DTWD2: variants seen among roughly 807,000 people sequenced by gnomAD.
DTWD2 encodes the protein tRNA-uridine aminocarboxypropyltransferase 2.
In DTWD2, 39 loss-of-function variants were observed where a neutral mutation model predicts 31.8. That is an observed-to-expected ratio of 1.22 (90% confidence interval 0.95 to 1.60). The LOEUF (loss-of-function observed/expected upper bound fraction) is 1.60. Ranked by LOEUF, DTWD2 falls within the 40% of genes most tolerant of loss-of-function variation. The pLI is 0.00. For synonymous variants in DTWD2, 180 were observed against 142.8 expected (o/e 1.26, Z -1.86); for missense variants, 515 against 381.5 (o/e 1.35, Z -2.92).
intron 4 of DTWD2, among the ~76,000 whole-genome samples, chr5:118,891,349 T>C (rs188282278): frequency 3.9e-5 from 6 of 152,276 alleles, no homozygotes; most frequent in African/African-American, 9.6e-5. Flanking sequence ...CACATAATCA[T>C]ATCAGCTGCC....
intron 4 of DTWD2, among the ~76,000 whole-genome samples, chr5:118,908,617 A>G (rs1753387033): frequency 6.6e-6 from 1 of 151,876 alleles, no homozygotes; most frequent in Non-Finnish European, 1.5e-5. Flanking sequence ...TTCTAGGGAA[A>G]CCGACAAAAC....
At chr5:118,986,897 T>C (rs914718134) in intron 1 of DTWD2, among the ~76,000 whole-genome samples, 13 of 152,080 alleles carry the variant, frequency 8.5e-5, no homozygotes, top group Non-Finnish European at 1.9e-4. Context: ...TCACCAGAAA[T>C]AAGCAAAGTG....
chr5:118,981,370 T>C (rs1010325015), intron 1 of DTWD2, among the ~76,000 whole-genome samples: 1 of 152,162 alleles, frequency 6.6e-6, no homozygotes, highest in African/African-American at 2.4e-5. Context: ...GTTACCACAA[T>C]TTTTGAAAAA....
intron 4 of DTWD2, among the ~76,000 whole-genome samples, chr5:118,851,545 C>A (rs1030035576): frequency 2.6e-5 from 4 of 151,848 alleles, no homozygotes; most frequent in African/African-American, 9.7e-5. Flanking sequence ...GGAAACAGGG[C>A]AAGGACAAAA....
At chr5:118,929,898 G>C (rs1361758169) in intron 3 of DTWD2, among the ~76,000 whole-genome samples, 1 of 152,170 alleles carries the variant, frequency 6.6e-6, no homozygotes, top group Non-Finnish European at 1.5e-5. Context: ...TCTCTATGAA[G>C]GCTGCTATCG....
At chr5:118,872,567 T>A (rs1441050650) in intron 4 of DTWD2, among the ~76,000 whole-genome samples, 1 of 152,110 alleles carries the variant, frequency 6.6e-6, no homozygotes, top group Non-Finnish European at 1.5e-5. Flanking sequence ...GGTGGAACAA[T>A]CAAAACACAC....
At chr5:118,974,029 TGAG>T (rs1755065571) in intron 1 of DTWD2, 2 of 1,604,028 alleles carry the variant, frequency 1.2e-6, no homozygotes, top group South Asian at 1.1e-5. Context: ...GAGATGAAGA[TGAG>T]GAAGCTGAGA....
intron 5 of DTWD2, among the ~76,000 whole-genome samples, chr5:118,843,386 G>C (rs988145733): frequency 6.6e-6 from 1 of 151,756 alleles, no homozygotes; most frequent in East Asian, 1.9e-4. Context: ...AGGAAGGAGA[G>C]AGATAGAAAG....
intron 4 of DTWD2, among the ~76,000 whole-genome samples, chr5:118,883,843 T>C (rs1452426248): frequency 2.6e-5 from 4 of 152,178 alleles, no homozygotes; most frequent in African/African-American, 7.2e-5. Context: ...ATAAAACTTA[T>C]TTCAAAATCT....
chr5:118,843,841 T>A lies in DTWD2; in HGVS notation c.727-2754A>T, dbSNP rs1414644851. Among the ~76,000 whole-genome samples the A allele has an allele frequency of 2.0e-5, 3 of 152,242 alleles. No homozygotes were observed. In the East Asian group the frequency reaches 5.8e-4, roughly 29 times the overall value. Reference sequence around the variant, plus strand: ...GCTGTTCACAAATAGGCCAGCCTCCTTCCTGATACATGAGCAGATTGGCAT... The same window carrying A: ...GCTGTTCACAAATAGGCCAGCCTCCATCCTGATACATGAGCAGATTGGCAT... On this transcript the variant is annotated intron_variant, in intron 5 of 5. Coordinates refer to ENST00000510708, the MANE Select transcript of DTWD2 (RefSeq NM_173666.4).
At chr5:118,934,216 C>T (rs1331187953) in intron 3 of DTWD2, among the ~76,000 whole-genome samples, 4 of 126,160 alleles carry the variant, frequency 3.2e-5, no homozygotes, top group Non-Finnish European at 6.4e-5. Context: ...AGGTGGATCC[C>T]TTTAGCCTAG....
At chr5:118,843,271 G>C (rs901627019) in intron 5 of DTWD2, among the ~76,000 whole-genome samples, 4 of 147,496 alleles carry the variant, frequency 2.7e-5, no homozygotes, top group Admixed American at 6.9e-5. Flanking sequence ...AGAAATGAAA[G>C]AAAAGAAAGA....
At chr5:118,886,527 T>C (rs951488717) in intron 4 of DTWD2, among the ~76,000 whole-genome samples, 3 of 152,198 alleles carry the variant, frequency 2.0e-5, no homozygotes, top group Non-Finnish European at 4.4e-5. Context: ...CTGAGGAATA[T>C]GAGACTTCTA....
At chr5:118,931,823 AC>A (rs1753930717) in intron 3 of DTWD2, among the ~76,000 whole-genome samples, 1 of 152,178 alleles carries the variant, frequency 6.6e-6, no homozygotes, top group Non-Finnish European at 1.5e-5. Context: ...ACCAAAACAG[AC>A]CACATTCTGG....
intron 4 of DTWD2, among the ~76,000 whole-genome samples, chr5:118,889,174 T>C (rs1752927927): frequency 6.6e-6 from 1 of 152,150 alleles, no homozygotes; most frequent in Admixed American, 6.5e-5. Context: ...AAGGTTACAG[T>C]GAAAATTCCT....
chr5:118,892,534 GA>G (rs1383755671), intron 4 of DTWD2, among the ~76,000 whole-genome samples: 2 of 151,806 alleles, frequency 1.3e-5, no homozygotes, highest in Non-Finnish European at 2.9e-5. Context: ...ATGTATATTT[GA>G]CAAAAAACAT....
chr5:118,915,085 C>A (rs947121899), intron 4 of DTWD2, among the ~76,000 whole-genome samples: 2 of 152,046 alleles, frequency 1.3e-5, no homozygotes, highest in Non-Finnish European at 2.9e-5. Context: ...GGCGTGGCAG[C>A]ACACGCCTAT....
At chr5:118,945,161 A>G (rs928214735) in intron 1 of DTWD2, among the ~76,000 whole-genome samples, 1 of 152,240 alleles carries the variant, frequency 6.6e-6, no homozygotes, top group Non-Finnish European at 1.5e-5. Flanking sequence ...AGACGCCACC[A>G]AATTATATTT....
chr5:118,876,240 A>G (rs1209958315), intron 4 of DTWD2, among the ~76,000 whole-genome samples: 1 of 152,210 alleles, frequency 6.6e-6, no homozygotes, highest in African/African-American at 2.4e-5. Context: ...CTAAATGCCC[A>G]CATCAAAAAG....
Sources: gnomAD v4.1 joint callset for allele counts (sites outside exome capture counted in the v4.1 genomes callset) on GRCh38, gnomAD v4.1.1 for gene constraint, MANE v1.5 for transcripts, NCBI Gene and HGNC (gene_info 2026-07-23, HGNC 2026-07-21) for gene names.